KCNC4: variants seen among roughly 807,000 people sequenced by gnomAD.
The protein encoded by KCNC4 is potassium voltage-gated channel subfamily C member 4.
In KCNC4, 23 loss-of-function variants were observed where a neutral mutation model predicts 42.8. The observed-to-expected ratio is 0.54, with a 90% CI of 0.39 to 0.76. KCNC4 has a LOEUF of 0.76. Ranked by LOEUF, KCNC4 falls within the 30% of genes least tolerant of loss-of-function variation. The pLI is 0.00. For synonymous variants in KCNC4, 422 were observed against 393.5 expected, an observed-to-expected ratio of 1.07 and a Z score of -0.86; for missense variants, 751 against 898.2, an observed-to-expected ratio of 0.84 and a Z score of 2.10.
intron 1 of KCNC4, among the ~76,000 whole-genome samples, chr1:110,274,711 A>G (rs755090197): frequency 4.6e-5 from 7 of 152,234 alleles, no homozygotes; most frequent in Non-Finnish European, 8.8e-5. Context: ...ATAAAGCCAC[A>G]TACCTACAGC....
At chr1:110,212,225 C>T in intron 1 of KCNC4, 48 bp downstream of exon 1, 1 of 1,401,892 alleles carries the variant, frequency 7.1e-7, no homozygotes. Flanking sequence ...TGCAAGGGGT[C>T]CGTGGTGGGT....
chr1:110,258,374 A>G (rs1659371900), intron 1 of KCNC4, among the ~76,000 whole-genome samples: 2 of 151,998 alleles, frequency 1.3e-5, no homozygotes, highest in Admixed American at 6.6e-5. Context: ...AGTAGCTGGG[A>G]CTACAGGCAC....
intron 3 of KCNC4, among the ~76,000 whole-genome samples, chr1:110,230,248 A>G (rs1658625183): frequency 6.6e-6 from 1 of 152,206 alleles, no homozygotes; most frequent in Non-Finnish European, 1.5e-5. Flanking sequence ...GACCTGACCC[A>G]TAAGAAGTGA....
At chr1:110,277,159 G>A (rs1475095370) in intron 1 of KCNC4, among the ~76,000 whole-genome samples, 5 of 152,210 alleles carry the variant, frequency 3.3e-5, no homozygotes, top group East Asian at 1.9e-4. Context: ...TAATGTAAGT[G>A]AAGTCAAGAA....
downstream of KCNC4, among the ~76,000 whole-genome samples, chr1:110,254,093 G>GA (rs1356996770): frequency 7.8e-6 from 1 of 127,448 alleles, no homozygotes; most frequent in Non-Finnish European, 1.7e-5. Context: ...CAGAAGTCGG[G>GA]GGGGGGGCGG....
chr1:110,234,958 G>C (rs1417023370), downstream of KCNC4: 1 of 152,266 alleles, frequency 6.6e-6, no homozygotes, highest in African/African-American at 2.4e-5. Flanking sequence ...TTCAGAGACA[G>C]AGTGAAGAGC....
rs779963498 is a variant in KCNC4, at chr1:110,223,370, G to A, written c.1085G>A (p.Arg362His). 3.1e-6 allele frequency: 5 copies of A among 1,613,724 alleles called. No individual in the cohort carries two copies. Among genetic ancestry groups the A allele is most frequent in the Non-Finnish European group, 4.2e-6 (5 of 1,179,810 alleles). ...ATCCTGCGTATCTTCAAGCTCACAC[G>A]CCACTTCGTGGGGCTACGCGTGCTG... ...VRILRIFKLTRHFVGLRVLGH... is the reference protein window; with the variant it reads ...VRILRIFKLTHHFVGLRVLGH... Residue 362 changes from arginine to histidine, a missense_variant, in exon 2 of 4, where the codon CGC becomes CAC. Coordinates refer to ENST00000438661, the MANE Select transcript of KCNC4 (RefSeq NM_001039574.3). The surrounding 1 kb of genome is among the most constrained non-coding windows in gnomAD (Gnocchi z 7.5).
rs1658195638 is a variant in KCNC4 at position 110,223,140 on chromosome 1, G to A, written c.855G>A (p.Glu285=). ...CAGAGCCCATCCTGACCTACATCGA[G>A]GGCGTATGTGTGCTGTGGTTCACAC... The part of the protein sequence containing the change: ...VETEPILTYI[E]GVCVLWFTLE... The change falls in exon 2 of 4, where the codon GAG becomes GAA. Residue 285 remains glutamate (E), a synonymous_variant. Transcript: ENST00000438661. The surrounding 1 kb of genome is among the most constrained non-coding windows in gnomAD (Gnocchi z 7.5). 1 of 1,614,092 alleles carries A rather than the reference G, an allele frequency of 6.2e-7. No individual in the cohort carries two copies. Among genetic ancestry groups the A allele is most frequent in the Non-Finnish European group, 8.5e-7 (1 of 1,180,050 alleles).
At chr1:110,239,136 C>T (rs1257179549) in exon 4 of KCNC4, 1 of 152,318 alleles carries the variant, frequency 6.6e-6, no homozygotes, top group Non-Finnish European at 1.5e-5. Context: ...TGGGTTCCCA[C>T]TTCGTGTACA....
intron 1 of KCNC4, among the ~76,000 whole-genome samples, chr1:110,217,070 A>G (rs1657837134): frequency 1.3e-5 from 2 of 152,226 alleles, no homozygotes; most frequent in Admixed American, 6.5e-5. Context: ...GTGGGGTTCT[A>G]GAAATCCAAA....
rs768599105 is a variant in KCNC4 at position 110,223,808 on chromosome 1, G to C, written c.1523G>C (p.Cys508Ser). The change falls in exon 2 of 4, where the codon TGC becomes TCC. Residue 508 changes from cysteine (C) to serine (S), a missense_variant. Cys to Ser is a moderately radical substitution (Grantham distance 112). Around this residue, in one of 4 missense-constraint regions of KCNC4, gnomAD observed 202 missense variants for 181.5 expected, o/e 1.11. Transcript: ENST00000438661. This position sits in a 1 kb window ranked among gnomAD's most constrained non-coding sequence, Gnocchi z 7.5. ...GCGCAGCTGGAGTCACCCATGTACT[G>C]CAAGTCTGAGGAGACTTCCCCCCGG... ...RPAQLESPMY[C>S]KSEETSPRDS... 6.8e-6 allele frequency: 11 copies of C among 1,613,856 alleles called. No homozygotes were observed. Among genetic ancestry groups the C allele is most frequent in the East Asian group, 2.2e-5 (1 of 44,888 alleles).
intron 1 of KCNC4, among the ~76,000 whole-genome samples, chr1:110,271,203 T>C (rs1038326872): frequency 6.6e-6 from 1 of 152,038 alleles, no homozygotes; most frequent in African/African-American, 2.4e-5. Context: ...GTTGTGAGAG[T>C]TCAGGGCATA....
At chr1:110,236,106 G>C (rs979123862), downstream of KCNC4, 1 of 152,202 alleles carries the variant, frequency 6.6e-6, no homozygotes, top group African/African-American at 2.4e-5. Context: ...ACTTTTCAGT[G>C]AATCAGCCTC....
intron 3 of KCNC4, among the ~76,000 whole-genome samples, chr1:110,230,934 G>A (rs1431757368): frequency 1.3e-5 from 2 of 152,210 alleles, no homozygotes; most frequent in Non-Finnish European, 2.9e-5. Context: ...CTCCCTCCTT[G>A]AGAGAAGGCT....
intron 1 of KCNC4, among the ~76,000 whole-genome samples, chr1:110,258,583 C>T (rs1000646032): frequency 3.9e-5 from 6 of 152,156 alleles, no homozygotes; most frequent in Non-Finnish European, 8.8e-5. Flanking sequence ...TTTTCTTCAG[C>T]GTGTATGTGT....
intron 1 of KCNC4, among the ~76,000 whole-genome samples, chr1:110,264,793 G>T (rs1659509300): frequency 6.6e-6 from 1 of 152,150 alleles, no homozygotes; most frequent in Non-Finnish European, 1.5e-5. Context: ...AAAGAAGGGA[G>T]AGAGCTGGCT....
chr1:110,216,203 G>A (rs954579106), intron 1 of KCNC4, among the ~76,000 whole-genome samples: 1 of 152,206 alleles, frequency 6.6e-6, no homozygotes, highest in Non-Finnish European at 1.5e-5. Context: ...ATTGCCTGGG[G>A]GACAGGTCAG....
chr1:110,217,020 G>A (rs572969649), intron 1 of KCNC4, among the ~76,000 whole-genome samples: 1 of 152,322 alleles, frequency 6.6e-6, no homozygotes, highest in Middle Eastern at 3.4e-3. Flanking sequence ...CTTGGCCCCA[G>A]TCATTCAGAA....
intron 1 of KCNC4, among the ~76,000 whole-genome samples, chr1:110,279,357 T>A (rs1414426091): frequency 6.6e-6 from 1 of 152,166 alleles, no homozygotes; most frequent in Non-Finnish European, 1.5e-5. Context: ...TGAAATGAGA[T>A]TCTCAACTAG....
Sources: allele counts gnomAD v4.1 joint callset (sites outside exome capture counted in the v4.1 genomes callset), GRCh38; gene constraint gnomAD v4.1.1; regional missense constraint gnomAD v4.1.1; non-coding constraint Gnocchi (gnomAD v3.1); transcripts MANE v1.5; gene names NCBI Gene and HGNC (gene_info 2026-07-23, HGNC 2026-07-21).